The following AFDN variants were observed in gnomAD, a reference collection of about 807,000 sequenced individuals.
The protein encoded by AFDN is afadin.
In AFDN, 68 loss-of-function variants were observed where a neutral mutation model predicts 216.6. The observed-to-expected ratio is 0.31, with a 90% CI of 0.26 to 0.38. AFDN has a LOEUF of 0.38. Ranked by LOEUF, AFDN falls within the 10% of genes least tolerant of loss-of-function variation. AFDN has a pLI of 1.00. For synonymous variants in AFDN, 868 were observed against 853.7 expected, an observed-to-expected ratio of 1.02 and a Z score of -0.29; for missense variants, 2,136 against 2,342.0, an observed-to-expected ratio of 0.91 and a Z score of 1.82.
At chr6:167,898,976 A>G (rs1361811854) in intron 11 of AFDN, among the ~76,000 whole-genome samples, 1 of 152,162 alleles carries the variant, frequency 6.6e-6, no homozygotes, top group Non-Finnish European at 1.5e-5. Flanking sequence ...GTAGGTAGGG[A>G]ATATGACTTC....
intron 29 of AFDN, among the ~76,000 whole-genome samples, chr6:167,950,483 A>G (rs780444590): frequency 1.3e-5 from 2 of 152,000 alleles, no homozygotes; most frequent in African/African-American, 2.4e-5. Context: ...TGTTCAACAC[A>G]TTTGTAGCAA....
At chr6:167,847,234 G>A (rs1781800014) in intron 1 of AFDN, among the ~76,000 whole-genome samples, 1 of 152,088 alleles carries the variant, frequency 6.6e-6, no homozygotes, top group South Asian at 2.1e-4. Flanking sequence ...CCAGACCTCA[G>A]GGTCTGATCC....
intron 31 of AFDN, chr6:167,964,614 CTGTGTGTGTGTG>C (rs369928994): frequency 2.1e-3 from 2,040 of 959,742 alleles, no homozygotes; most frequent in African/African-American, 3.5e-3. Context: ...CGTATTCACT[CTGTGTGTGTGTG>C]TGTGTGTGTG....
intron 23 of AFDN, among the ~76,000 whole-genome samples, chr6:167,927,645 G>C (rs1481954638): frequency 6.6e-6 from 1 of 152,114 alleles, no homozygotes; most frequent in Non-Finnish European, 1.5e-5. Context: ...GGTGATGCGT[G>C]GGGCATAGTA....
rs115009767 is a variant in AFDN at position 167,969,588 on chromosome 6, C to T, written c.5343-194C>T. Among the ~76,000 whole-genome samples the T allele has an allele frequency of 5.3e-3, 804 of 152,220 alleles. 14 individuals are homozygous for T. Among genetic ancestry groups the T allele is most frequent in the African/African-American group, 0.019 (774 of 41,522 alleles). On this transcript the variant is annotated intron_variant, in intron 33 of 33. Coordinates refer to ENST00000683244, the MANE Select transcript of AFDN (RefSeq NM_001386888.1). ...GACTGGGAAAAGTTAATGTTGTAGC[C>T]AAGAGAACATGTTGCCCTTTTTTTC... is the stretch of plus-strand genomic sequence containing the variant.
chr6:167,846,716 T>G (rs1281557198), intron 1 of AFDN, among the ~76,000 whole-genome samples: 1 of 148,512 alleles, frequency 6.7e-6, no homozygotes, highest in Non-Finnish European at 1.5e-5. Context: ...CCAAGTTGTT[T>G]TTTTTTTTTT....
intron 1 of AFDN, among the ~76,000 whole-genome samples, chr6:167,828,237 A>G (rs1407231194): frequency 6.6e-6 from 1 of 152,248 alleles, no homozygotes; most frequent in African/African-American, 2.4e-5. Flanking sequence ...ACTTGCTATA[A>G]AATACTAGCT....
chr6:167,940,142 G>C (rs1261851878), intron 23 of AFDN, among the ~76,000 whole-genome samples: 1 of 152,248 alleles, frequency 6.6e-6, no homozygotes, highest in Non-Finnish European at 1.5e-5. Context: ...ATCTGGGACT[G>C]GGCTGGAGAC....
chr6:167,881,215 GT>G (rs1300835148), intron 6 of AFDN, among the ~76,000 whole-genome samples: 3 of 152,162 alleles, frequency 2.0e-5, no homozygotes, highest in Non-Finnish European at 4.4e-5. Flanking sequence ...AAAAGGGTGT[GT>G]TGTTTGAGTT....
chr6:167,924,307 T>A (rs918796730), intron 22 of AFDN, among the ~76,000 whole-genome samples: 4 of 152,188 alleles, frequency 2.6e-5, no homozygotes, highest in African/African-American at 4.8e-5. Flanking sequence ...TTGTTTACTC[T>A]TTGGCGTATA....
intron 21 of AFDN, among the ~76,000 whole-genome samples, chr6:167,920,281 T>C (rs1791612381): frequency 6.6e-6 from 1 of 152,082 alleles, no homozygotes; most frequent in Non-Finnish European, 1.5e-5. Flanking sequence ...GTCTGAGAAA[T>C]GGAGTGGGCC....
At chr6:167,947,707 T>A in intron 27 of AFDN, 146 bp from the exon 28 acceptor site, 1 of 565,758 alleles carries the variant, frequency 1.8e-6, no homozygotes. Context: ...CCTGATTTCT[T>A]ACCTGCCTTG....
At chr6:167,882,795 C>T (rs1786298623) in intron 6 of AFDN, among the ~76,000 whole-genome samples, 1 of 152,076 alleles carries the variant, frequency 6.6e-6, no homozygotes, top group African/African-American at 2.4e-5. Flanking sequence ...GACAAAGACC[C>T]AAACCAAAGC....
intron 30 of AFDN, among the ~76,000 whole-genome samples, chr6:167,961,904 T>A (rs1372232415): frequency 1.3e-5 from 2 of 152,092 alleles, no homozygotes; most frequent in Non-Finnish European, 2.9e-5. Context: ...CAGGCCTTGG[T>A]CCCCGGGAAA....
chr6:167,969,892 C>A lies in AFDN; in HGVS notation c.5453C>A (p.Ser1818Tyr). The change falls in exon 34 of 34, where the codon TCT becomes TAT. Residue 1818 changes from serine to tyrosine, a missense_variant. Around this residue, in one of 8 missense-constraint regions of AFDN, gnomAD observed 981 missense variants for 966.0 expected, o/e 1.02. Transcript: ENST00000683244. ...GATGTATCCAATAAAGTGAAAGCTT[C>A]TCGTAAATTAACAGAACTGGAGAAT... ...GQDVSNKVKA[S>Y]RKLTELENEL... 1 of 1,612,248 alleles carries A rather than the reference C, an allele frequency of 6.2e-7. No homozygotes were observed. The highest frequency in any genetic ancestry group is 1.1e-5 in the South Asian group (1 of 90,402).
At chr6:167,856,840 T>G (rs1782954162) in intron 1 of AFDN, among the ~76,000 whole-genome samples, 1 of 152,134 alleles carries the variant, frequency 6.6e-6, no homozygotes, top group African/African-American at 2.4e-5. Context: ...ATATATTTAT[T>G]AAGCCTGTTT....
chr6:167,840,312 C>G (rs1437052949), intron 1 of AFDN, among the ~76,000 whole-genome samples: 1 of 152,244 alleles, frequency 6.6e-6, no homozygotes, highest in Non-Finnish European at 1.5e-5. Context: ...GCAGATTGTA[C>G]TGTTCCTCGT....
intron 21 of AFDN, among the ~76,000 whole-genome samples, chr6:167,920,044 G>T (rs998795101): frequency 6.6e-6 from 1 of 152,204 alleles, no homozygotes. Flanking sequence ...AAATGTGTTT[G>T]CAAAACAGTT....
intron 23 of AFDN, among the ~76,000 whole-genome samples, chr6:167,936,622 G>A (rs1356756044): frequency 6.6e-6 from 1 of 152,014 alleles, no homozygotes; most frequent in African/African-American, 2.4e-5. Flanking sequence ...ATGAAGGGGG[G>A]TAGGTAGTGA....
Sources: allele counts gnomAD v4.1 joint callset (sites outside exome capture counted in the v4.1 genomes callset), GRCh38; gene constraint gnomAD v4.1.1; regional missense constraint gnomAD v4.1.1; transcripts MANE v1.5; gene names NCBI Gene and HGNC (gene_info 2026-07-23, HGNC 2026-07-21).